NRG3: variants seen among roughly 807,000 people sequenced by gnomAD.
NRG3 encodes the protein pro-neuregulin-3, membrane-bound isoform.
Under a neutral mutation model 66.9 loss-of-function variants are expected in NRG3, and 31 were observed. That is an observed-to-expected ratio of 0.46 (90% CI 0.35 to 0.63). The LOEUF is 0.63. NRG3 is among the 20% of genes least tolerant of loss of function. NRG3 has a pLI of 0.00. For synonymous variants in NRG3, 393 were observed against 359.4 expected, an observed-to-expected ratio of 1.09 and a Z score of -1.06; for missense variants, 910 against 878.9, an observed-to-expected ratio of 1.04 and a Z score of -0.45.
chr10:82,964,636 A>G (rs1425202029), intron 6 of NRG3, among the ~76,000 whole-genome samples: 1 of 152,176 alleles, frequency 6.6e-6, no homozygotes, highest in Non-Finnish European at 1.5e-5. Flanking sequence ...TATTGTAACT[A>G]TCAATTTCCC....
At chr10:82,019,469 A>T (rs2061954973) in intron 1 of NRG3, among the ~76,000 whole-genome samples, 1 of 152,174 alleles carries the variant, frequency 6.6e-6, no homozygotes, top group South Asian at 2.1e-4. Context: ...GTTAGGGAGG[A>T]TTCCCTCTTT....
intron 1 of NRG3, among the ~76,000 whole-genome samples, chr10:81,891,541 A>G (rs1843010685): frequency 6.6e-6 from 1 of 152,166 alleles, no homozygotes; most frequent in South Asian, 2.1e-4. Context: ...GAGGGAGGTG[A>G]TTTCCATGGA....
At chr10:82,353,345 G>T (rs2083554035) in intron 1 of NRG3, among the ~76,000 whole-genome samples, 1 of 152,168 alleles carries the variant, frequency 6.6e-6, no homozygotes, top group Non-Finnish European at 1.5e-5. Context: ...AGTTAAGGAA[G>T]AAACCAGTCA....
Position 82,007,602 on chromosome 10 carries a change from T to G in NRG3, c.823+131439T>G, listed in dbSNP as rs193108254. On this transcript the variant is annotated intron_variant, in intron 1 of 8. Transcript: ENST00000372141. ...AAATCTTGCTGAATAATTTTATCCA[T>G]TATAATCATTTATTTATTGATTTTC... is the stretch of plus-strand genomic sequence containing the variant. 6.0e-3 allele frequency among the ~76,000 whole-genome samples: 908 copies of G among 152,308 alleles called. 1 individual carries two copies. Among genetic ancestry groups the G allele is most frequent in the Non-Finnish European group, 8.0e-3 (544 of 68,026 alleles).
chr10:82,198,009 G>C (rs957146923), intron 1 of NRG3, among the ~76,000 whole-genome samples: 1 of 152,094 alleles, frequency 6.6e-6, no homozygotes, highest in African/African-American at 2.4e-5. Context: ...TCACAAATTT[G>C]TAAAGCAACT....
chr10:81,958,205 C>A (rs1030552415), intron 1 of NRG3, among the ~76,000 whole-genome samples: 1 of 152,122 alleles, frequency 6.6e-6, no homozygotes, highest in African/African-American at 2.4e-5. Flanking sequence ...TTATTAGTTT[C>A]CATGTGGTAT....
At chr10:82,050,034 T>G (rs1196609686) in intron 1 of NRG3, among the ~76,000 whole-genome samples, 1 of 151,992 alleles carries the variant, frequency 6.6e-6, no homozygotes, top group African/African-American at 2.4e-5. Context: ...CAACATATGG[T>G]CTTCCTTTCC....
intron 1 of NRG3, among the ~76,000 whole-genome samples, chr10:81,883,244 T>C (rs1216203269): frequency 6.6e-6 from 1 of 152,218 alleles, no homozygotes; most frequent in Non-Finnish European, 1.5e-5. Context: ...TGTTTGGATT[T>C]GTACTTTGGG....
chr10:82,411,495 A>G (rs2088085404), intron 2 of NRG3, among the ~76,000 whole-genome samples: 1 of 152,142 alleles, frequency 6.6e-6, no homozygotes, highest in Non-Finnish European at 1.5e-5. Flanking sequence ...GTCCTCAAAC[A>G]TCAAATGAAG....
intron 2 of NRG3, among the ~76,000 whole-genome samples, chr10:82,702,344 C>G (rs897899069): frequency 1.3e-5 from 2 of 152,016 alleles, no homozygotes; most frequent in African/African-American, 2.4e-5. Flanking sequence ...TAAATTTTAC[C>G]TCTAGAATTT....
chr10:82,487,787 G>A (rs1051565351), intron 2 of NRG3, among the ~76,000 whole-genome samples: 1 of 152,156 alleles, frequency 6.6e-6, no homozygotes, highest in African/African-American at 2.4e-5. Flanking sequence ...ATTCCTCTGG[G>A]TGTCTCATGA....
intron 1 of NRG3, among the ~76,000 whole-genome samples, chr10:82,217,270 GTAGT>G (rs1282601097): frequency 1.3e-5 from 2 of 152,160 alleles, no homozygotes; most frequent in Admixed American, 1.3e-4. Context: ...CTGTAAGCTG[GTAGT>G]TAGTGTGGAG....
At chr10:82,152,922 CTTAA>C (rs1246620067) in intron 1 of NRG3, among the ~76,000 whole-genome samples, 1 of 143,148 alleles carries the variant, frequency 7.0e-6, no homozygotes, top group African/African-American at 2.6e-5. Flanking sequence ...TCTTTTATTA[CTTAA>C]TTAACAAATA....
chr10:82,187,842 A>G (rs997052717), intron 1 of NRG3, among the ~76,000 whole-genome samples: 2 of 152,180 alleles, frequency 1.3e-5, no homozygotes, highest in African/African-American at 4.8e-5. Context: ...TTGAAGACTG[A>G]CATCATAGAA....
At chr10:82,188,217 C>G (rs2073925303) in intron 1 of NRG3, among the ~76,000 whole-genome samples, 2 of 152,100 alleles carry the variant, frequency 1.3e-5, no homozygotes, top group Admixed American at 1.3e-4. Context: ...GTAGAAAAGA[C>G]AGTCACTTCA....
intron 2 of NRG3, among the ~76,000 whole-genome samples, chr10:82,555,333 CAGA>C (rs2044583091): frequency 6.6e-6 from 1 of 152,202 alleles, no homozygotes; most frequent in South Asian, 2.1e-4. Context: ...TCCAAAAGAG[CAGA>C]ACATTGCTGG....
intron 2 of NRG3, among the ~76,000 whole-genome samples, chr10:82,579,364 G>A (rs1020293518): frequency 7.9e-5 from 12 of 151,874 alleles, no homozygotes; most frequent in African/African-American, 2.9e-4. Flanking sequence ...ATGTAATTCA[G>A]TTAAATACTG....
intron 1 of NRG3, among the ~76,000 whole-genome samples, chr10:82,022,153 CA>C (rs1201280794): frequency 6.6e-6 from 1 of 151,946 alleles, no homozygotes; most frequent in East Asian, 1.9e-4. Context: ...TTTAGATAAG[CA>C]AAATGTGCTT....
chr10:82,881,781 T>C (rs1275907633), intron 4 of NRG3, among the ~76,000 whole-genome samples: 1 of 152,220 alleles, frequency 6.6e-6, no homozygotes, highest in African/African-American at 2.4e-5. Flanking sequence ...TAAAGATTGA[T>C]GATGTAACAC....
Sources: allele counts gnomAD v4.1 joint callset (sites outside exome capture counted in the v4.1 genomes callset), GRCh38; gene constraint gnomAD v4.1.1; transcripts MANE v1.5; gene names NCBI Gene and HGNC (gene_info 2026-07-23, HGNC 2026-07-21).